The following TNNT2 variants were observed in gnomAD, a reference collection of about 807,000 sequenced individuals.
TNNT2 encodes the protein troponin T, cardiac muscle.
In TNNT2, 34 loss-of-function variants were observed where a neutral mutation model predicts 62.4. The observed-to-expected ratio is 0.54, with a 90% CI of 0.41 to 0.72. The LOEUF (loss-of-function observed/expected upper bound fraction) is 0.72. Ranked by LOEUF, TNNT2 falls within the 30% of genes least tolerant of loss-of-function variation. The probability of loss-of-function intolerance (pLI) is 0.00; values close to 1 mark genes in which losing one functional copy is unlikely to be tolerated. For missense variants in TNNT2, 275 were observed against 381.9 expected (o/e 0.72, Z 2.33); for synonymous variants, 123 against 127.2 (o/e 0.97, Z 0.22).
chr1:201,365,120 G>A, intron 10 of TNNT2, 71 bp downstream of exon 10: 4 of 1,310,070 alleles, frequency 3.1e-6, no homozygotes, highest in Admixed American at 3.4e-5. Flanking sequence ...GGAGGAGGTG[G>A]GGCCTCACAA....
In TNNT2 at chr1:201,364,469, G is replaced by A; in HGVS notation, c.412-94C>T. 6 of 1,297,496 alleles carry A rather than the reference G, an allele frequency of 4.6e-6. No individual in the cohort carries two copies. In the Admixed American group the frequency reaches 5.7e-5, roughly 12 times the overall value. The allele number at this position is 1,297,496 out of a possible 1,614,324, so 80.4% of individuals were successfully genotyped here. A position where few individuals can be genotyped will look rare whatever the true frequency, so the allele number is the denominator to read the frequency against. On this transcript the variant is annotated intron_variant, in intron 10 of 16. Coordinates refer to ENST00000656932, the MANE Select transcript of TNNT2 (RefSeq NM_001276345.2). ...TGCATGGGGTGGCAAGGGAATTCCTGGGGGAGGGTTCCTTCCAGAGTCTTG... is the reference window on the plus strand; with the variant it reads ...TGCATGGGGTGGCAAGGGAATTCCTAGGGGAGGGTTCCTTCCAGAGTCTTG...
intron 7 of TNNT2, 86 bp downstream of exon 7, chr1:201,367,685 T>C: frequency 1.4e-6 from 2 of 1,457,412 alleles, no homozygotes; most frequent in Admixed American, 3.3e-5. Context: ...TCCACTTCCC[T>C]GGAAAGAGCA....
chr1:201,374,041 C>T (rs1053370202), intron 1 of TNNT2: 2 of 152,694 alleles, frequency 1.3e-5, no homozygotes, highest in African/African-American at 4.8e-5. Flanking sequence ...GTGATGGATA[C>T]GTGAACCTCC....
At chr1:201,367,722 T>C (rs1368725465) in intron 7 of TNNT2, 49 bp downstream of exon 7, 7 of 1,601,462 alleles carry the variant, frequency 4.4e-6, no homozygotes, top group South Asian at 3.3e-5. Context: ...CCAAAGCTGC[T>C]GTGAGGGGTT....
intron 14 of TNNT2, 119 bp downstream of exon 14, chr1:201,361,794 T>C (rs1658695933): frequency 5.0e-6 from 5 of 993,098 alleles, no homozygotes; most frequent in African/African-American, 3.2e-5. Context: ...AAACTTGCCA[T>C]GGGAAAATAT....
At chr1:201,375,711 C>A (rs534559175) in intron 1 of TNNT2, among the ~76,000 whole-genome samples, 1 of 152,280 alleles carries the variant, frequency 6.6e-6, no homozygotes, top group East Asian at 1.9e-4. Flanking sequence ...CTACCTGAGC[C>A]CCAGGAGAAG....
In TNNT2 at chr1:201,368,358, G is replaced by A. The variant is rs3753999; in HGVS notation, c.98-131C>T. The A allele has an allele frequency of 0.073, 66,990 of 912,110 alleles. 2,708 individuals are homozygous for A. Among genetic ancestry groups the A allele is most frequent in the Middle Eastern group, 0.12 (561 of 4,754 alleles). The allele number at this position is 912,110 out of a possible 1,614,324, so 56.5% of individuals were successfully genotyped here. On this transcript the variant is annotated intron_variant, in intron 5 of 16. Coordinates refer to ENST00000656932, the MANE Select transcript of TNNT2 (RefSeq NM_001276345.2). ...CGTCTAGGTCCAGATGAATTTGGGGGCAACCAACGTGCTGGGGGGCTGCCA... is the reference window on the plus strand; with the variant it reads ...CGTCTAGGTCCAGATGAATTTGGGGACAACCAACGTGCTGGGGGGCTGCCA...
At chr1:201,376,817 G>A (rs80148998) in intron 1 of TNNT2, among the ~76,000 whole-genome samples, 10,965 of 152,260 alleles carry the variant, frequency 0.072, 467 homozygotes, top group Middle Eastern at 0.15. Flanking sequence ...TGGGGTGTTG[G>A]GGTGGGATGG....
intron 9 of TNNT2, 26 bp downstream of exon 9, chr1:201,365,584 C>T: frequency 6.2e-7 from 1 of 1,611,794 alleles, no homozygotes; most frequent in South Asian, 1.1e-5. Flanking sequence ...CAGCCCAGGC[C>T]TACTCAACCC....
At chr1:201,364,234 TG>T (rs1659232827) in intron 11 of TNNT2, 63 bp downstream of exon 11, 8 of 1,514,840 alleles carry the variant, frequency 5.3e-6, no homozygotes, top group Non-Finnish European at 1.8e-6. Context: ...GAGAGGGGCC[TG>T]GGGGCCCAGC....
rs530168434 is a variant in TNNT2, at chr1:201,373,635, T to C, written c.-14-367A>G. ...TGTTCAGCACTGTACAAATCTTCAC[T>C]GCACAAAGCCTCACTGCAGCCTCAA... On this transcript the variant is annotated intron_variant, in intron 1 of 16. Transcript: ENST00000656932. 3.3e-4 allele frequency: 110 copies of C among 337,462 alleles called. 1 individual carries two copies. Among genetic ancestry groups the C allele is most frequent in the South Asian group, 2.8e-3 (104 of 36,654 alleles). The allele number at this position is 337,462 out of a possible 1,614,324, so 20.9% of individuals were successfully genotyped here. A position where few individuals can be genotyped will look rare whatever the true frequency, so the allele number is the denominator to read the frequency against.
chr1:201,377,550 A>G (rs1247723936), intron 1 of TNNT2, 73 bp downstream of exon 1: 1 of 456,290 alleles, frequency 2.2e-6, no homozygotes, highest in African/African-American at 2.0e-5. Context: ...TAAATATGCC[A>G]GGGCCCAAGA....
rs2102308698 is a variant in TNNT2, at chr1:201,372,046, TCAGAA to T, written c.53-10_53-6del. ...ACATACCTTCAACAGCTGCTTCTGC[TCAGAA>T]GAGAAGTCCAGGCAGCAAGAGAAGA... On this transcript the variant is annotated splice_polypyrimidine_tract_variant and splice_region_variant and intron_variant, in intron 3 of 16. Transcript: ENST00000656932. 1 of 1,565,100 alleles carries T rather than the reference TCAGAA, an allele frequency of 6.4e-7. No individual in the cohort carries two copies. Among genetic ancestry groups the T allele is most frequent in the Non-Finnish European group, 8.7e-7 (1 of 1,153,538 alleles).
At chr1:201,371,987 C>CCTG (rs1558247943) in intron 4 of TNNT2, 40 bp downstream of exon 4, 2 of 1,613,752 alleles carry the variant, frequency 1.2e-6, no homozygotes, top group East Asian at 4.5e-5. Flanking sequence ...CATTGCTGAG[C>CCTG]CTGCCCCTTT....
chr1:201,363,692 G>C (rs1193181415), intron 11 of TNNT2: 3 of 454,734 alleles, frequency 6.6e-6, no homozygotes, highest in Non-Finnish European at 1.2e-5. Context: ...GCCTTCAGCA[G>C]CTGCACAGGA....
At chr1:201,368,024 A>G in intron 6 of TNNT2, 138 bp downstream of exon 6, 1 of 1,034,616 alleles carries the variant, frequency 9.7e-7, no homozygotes, top group East Asian at 2.4e-5. Flanking sequence ...TTGGGCAATC[A>G]ATGGTTGAAT....
At chr1:201,373,037 C>T (rs949035327) in intron 2 of TNNT2, 177 bp downstream of exon 2, 4 of 751,180 alleles carry the variant, frequency 5.3e-6, no homozygotes, top group Non-Finnish European at 7.3e-6. Context: ...TGCCTGGGAT[C>T]TACAACCCAG....
In TNNT2 at chr1:201,363,331, A is replaced by C. The variant is rs377157235; in HGVS notation, c.565T>G (p.Ser189Ala). The change falls in exon 12 of 17, where the codon TCC (serine) becomes GCC (alanine). Residue 189 changes from serine (S) to alanine (A), a missense_variant. Transcript: ENST00000656932. ...EDEARKKKAL[S>A]NMMHFGGYIQ... Reference sequence around the variant, plus strand: ...TAACCCCCAAAATGCATCATGTTGGACAAAGCCTTCTTCTTCCGGGCCTCA... The same window carrying C: ...TAACCCCCAAAATGCATCATGTTGGCCAAAGCCTTCTTCTTCCGGGCCTCA... The C allele has an allele frequency of 4.3e-6, 7 of 1,614,184 alleles. No individual in the cohort carries two copies. The highest frequency in any genetic ancestry group is 5.9e-6 in the Non-Finnish European group (7 of 1,180,042).
chr1:201,373,336 C>T (rs1660938233), intron 1 of TNNT2, 68 bp from the exon 2 acceptor site: 2 of 1,396,038 alleles, frequency 1.4e-6, no homozygotes, highest in Admixed American at 1.7e-5. Context: ...GAGCTCTGGC[C>T]CCCGTTGTAC....
Sources: allele counts gnomAD v4.1 joint callset (sites outside exome capture counted in the v4.1 genomes callset), GRCh38; gene constraint gnomAD v4.1.1; transcripts MANE v1.5; gene names NCBI Gene and HGNC (gene_info 2026-07-23, HGNC 2026-07-21).